MTHFD1L: variants seen among roughly 807,000 people sequenced by gnomAD.
MTHFD1L encodes the protein monofunctional C1-tetrahydrofolate synthase, mitochondrial.
A neutral mutation model predicts 119.5 loss-of-function variants in MTHFD1L; 81 were observed. The ratio of observed to expected loss-of-function variants is 0.68; its 90% CI spans 0.57 to 0.82. The LOEUF (loss-of-function observed/expected upper bound fraction) is 0.82. Among genes scored for constraint, MTHFD1L ranks in the 40% least tolerant of loss-of-function variants. MTHFD1L has a pLI of 0.00. For synonymous variants in MTHFD1L, 430 were observed against 475.2 expected, an observed-to-expected ratio of 0.90 and a Z score of 1.24; for missense variants, 1,125 against 1,253.4, an observed-to-expected ratio of 0.90 and a Z score of 1.55.
intron 20 of MTHFD1L, among the ~76,000 whole-genome samples, chr6:151,001,645 G>A (rs992980003): frequency 6.6e-6 from 1 of 152,116 alleles, no homozygotes; most frequent in African/African-American, 2.4e-5. Context: ...CTGATCACTC[G>A]GCTGGGAGTG....
At chr6:150,940,481 G>T (rs1792902408) in intron 13 of MTHFD1L, among the ~76,000 whole-genome samples, 1 of 152,194 alleles carries the variant, frequency 6.6e-6, no homozygotes, top group Non-Finnish European at 1.5e-5. Context: ...GCATACACAG[G>T]GGAATGGCTC....
At chr6:151,098,670 T>G (rs13199827) in intron 27 of MTHFD1L, among the ~76,000 whole-genome samples, 39,271 of 152,196 alleles carry the variant, frequency 0.26, 5,372 homozygotes, top group Middle Eastern at 0.39. Context: ...CATTTTGATT[T>G]CTTATTCCCA....
rs1778225648 is a variant in MTHFD1L at position 150,865,977 on chromosome 6, C to T, written c.155C>T (p.Pro52Leu). ...GREGLLGQRR[P>L]QDGQARSSCS... ...GAGGGCCTGCTTGGACAGCGGCGGCCGCAGGATGGCCAGGCCCGGAGCAGC... is the reference window on the plus strand; with the variant it reads ...GAGGGCCTGCTTGGACAGCGGCGGCTGCAGGATGGCCAGGCCCGGAGCAGC... Residue 52 changes from proline (P) to leucine (L), a missense_variant, in exon 1 of 28, where the codon CCG (proline) becomes CTG (leucine). Transcript: ENST00000367321. 1 of 1,280,856 alleles carries T rather than the reference C, an allele frequency of 7.8e-7. No individual in the cohort carries two copies. Among genetic ancestry groups the T allele is most frequent in the Non-Finnish European group, 9.8e-7 (1 of 1,019,646 alleles). 79.3% of individuals were successfully genotyped at this position (1,280,856 alleles called of 1,614,324 possible). A position where few individuals can be genotyped will look rare whatever the true frequency, so the allele number is the denominator to read the frequency against.
intron 14 of MTHFD1L, among the ~76,000 whole-genome samples, chr6:150,944,931 G>C (rs753268146): frequency 3.5e-4 from 53 of 152,194 alleles, no homozygotes; most frequent in Non-Finnish European, 6.9e-4. Flanking sequence ...GTTCTAAGGG[G>C]ATTGGACAGA....
chr6:150,879,436 C>T (rs575702178), intron 4 of MTHFD1L, among the ~76,000 whole-genome samples: 15 of 151,712 alleles, frequency 9.9e-5, no homozygotes, highest in Admixed American at 9.2e-4. Flanking sequence ...TACAGGCGCC[C>T]GCCACCATGC....
intron 8 of MTHFD1L, among the ~76,000 whole-genome samples, chr6:150,910,417 G>C (rs976785380): frequency 3.3e-5 from 5 of 151,646 alleles, no homozygotes; most frequent in African/African-American, 4.8e-5. Context: ...TACAAAATTA[G>C]CCGGGCATGG....
intron 20 of MTHFD1L, among the ~76,000 whole-genome samples, chr6:150,990,006 C>T (rs968728074): frequency 6.6e-6 from 1 of 152,186 alleles, no homozygotes; most frequent in African/African-American, 2.4e-5. Context: ...AGGCCGGGCG[C>T]AGTGGCTCAC....
At chr6:150,993,104 T>C (rs1779271963) in intron 20 of MTHFD1L, among the ~76,000 whole-genome samples, 1 of 152,362 alleles carries the variant, frequency 6.6e-6, no homozygotes, top group East Asian at 1.9e-4. Context: ...GTTTAGTCCC[T>C]TTTTCTTTGT....
intron 26 of MTHFD1L, among the ~76,000 whole-genome samples, chr6:151,089,474 G>T (rs553725710): frequency 1.3e-5 from 2 of 152,152 alleles, no homozygotes; most frequent in Non-Finnish European, 2.9e-5. Context: ...ATGGTGGCAG[G>T]TGCCTATAAT....
chr6:151,087,194 A>T (rs1371273879), intron 26 of MTHFD1L, among the ~76,000 whole-genome samples: 1 of 152,106 alleles, frequency 6.6e-6, no homozygotes, highest in Non-Finnish European at 1.5e-5. Flanking sequence ...GGCTGCAGTG[A>T]GCTGAGATCA....
At chr6:150,996,025 C>CA (rs1223392168) in intron 20 of MTHFD1L, among the ~76,000 whole-genome samples, 3 of 151,992 alleles carry the variant, frequency 2.0e-5, no homozygotes, top group South Asian at 2.1e-4. Flanking sequence ...GCCAAAACAA[C>CA]AAAAAATGCT....
rs901296350 is a variant in MTHFD1L, at chr6:150,899,993, ATTTTT to A, written c.781-5655_781-5651del. Among the ~76,000 whole-genome samples, 70 of 147,876 alleles carry A rather than the reference ATTTTT, an allele frequency of 4.7e-4. 1 individual carries two copies. In the South Asian group the frequency reaches 8.6e-3, roughly 18 times the overall value. On this transcript the variant is annotated intron_variant, in intron 7 of 27. Coordinates refer to ENST00000367321, the MANE Select transcript of MTHFD1L (RefSeq NM_015440.5). Reference sequence around the variant, plus strand: ...CTCAAAAAAAAATAGATATATATATATTTTTTATATTATATTATATATTATATATT... The same window carrying A: ...CTCAAAAAAAAATAGATATATATATATATATTATATTATATATTATATATT...
At chr6:150,912,002 A>C (rs373027850) in intron 8 of MTHFD1L, among the ~76,000 whole-genome samples, 46 of 152,122 alleles carry the variant, frequency 3.0e-4, no homozygotes, top group African/African-American at 1.1e-3. Context: ...CAGCCAAACC[A>C]TATCAGAGGA....
intron 24 of MTHFD1L, among the ~76,000 whole-genome samples, chr6:151,032,330 AG>A (rs1785451832): frequency 2.0e-5 from 3 of 152,176 alleles, no homozygotes. Context: ...CAGAAGGTGA[AG>A]GCGGGGGGAG....
At chr6:151,001,147 G>A (rs1041433850) in intron 20 of MTHFD1L, among the ~76,000 whole-genome samples, 2 of 152,152 alleles carry the variant, frequency 1.3e-5, no homozygotes, top group African/African-American at 2.4e-5. Context: ...GTGTCCAGAC[G>A]TAATGGTGAA....
chr6:150,916,952 G>A (rs561598141), intron 8 of MTHFD1L, among the ~76,000 whole-genome samples: 19 of 150,092 alleles, frequency 1.3e-4, no homozygotes, highest in Admixed American at 4.0e-4. Context: ...GTAGAGATGG[G>A]GTTTCTCCAT....
chr6:150,934,321 G>A (rs796657196), intron 11 of MTHFD1L, among the ~76,000 whole-genome samples: 5 of 152,066 alleles, frequency 3.3e-5, no homozygotes, highest in African/African-American at 1.2e-4. Flanking sequence ...TAATTTGCCG[G>A]GTCTCACCTA....
chr6:151,032,515 A>G (rs116807238), intron 24 of MTHFD1L, among the ~76,000 whole-genome samples: 2,500 of 152,268 alleles, frequency 0.016, 66 homozygotes, highest in African/African-American at 0.057. Flanking sequence ...CCCACCTCCA[A>G]CATTGAGGAT....
At chr6:150,972,672 A>C (rs1420559355) in intron 20 of MTHFD1L, among the ~76,000 whole-genome samples, 1 of 152,234 alleles carries the variant, frequency 6.6e-6, no homozygotes, top group Non-Finnish European at 1.5e-5. Context: ...CGTACTGTCT[A>C]ATGGTAATTG....
Sources: gnomAD v4.1 joint callset for allele counts (sites outside exome capture counted in the v4.1 genomes callset) on GRCh38, gnomAD v4.1.1 for gene constraint, MANE v1.5 for transcripts, NCBI Gene and HGNC (gene_info 2026-07-23, HGNC 2026-07-21) for gene names.